PSMA1: variants seen among roughly 807,000 people sequenced by gnomAD.
PSMA1 encodes the protein proteasome 20S subunit alpha 1.
A neutral mutation model predicts 38.4 loss-of-function variants in PSMA1; 3 were observed. That is an observed-to-expected ratio of 0.08 (90% CI 0.04 to 0.20). The LOEUF is 0.20. Ranked by LOEUF, PSMA1 falls within the 10% of genes least tolerant of loss-of-function variation. The pLI, the probability that PSMA1 is intolerant of heterozygous loss-of-function variation, is 1.00. For synonymous variants in PSMA1, 101 were observed against 107.1 expected, an observed-to-expected ratio of 0.94 and a Z score of 0.35; for missense variants, 227 against 325.3, an observed-to-expected ratio of 0.70 and a Z score of 2.32.
chr11:14,552,555 C>T (rs1851897810), intron 2 of PSMA1, among the ~76,000 whole-genome samples: 1 of 152,120 alleles, frequency 6.6e-6, no homozygotes, highest in Non-Finnish European at 1.5e-5. Flanking sequence ...AAGGGCAAGA[C>T]AATTACTCTA....
intron 2 of PSMA1, among the ~76,000 whole-genome samples, chr11:14,594,558 C>G (rs555711602): frequency 3.3e-5 from 5 of 152,234 alleles, no homozygotes; most frequent in African/African-American, 1.2e-4. Flanking sequence ...ATGAGAATAT[C>G]TGATTTTCTG....
At chr11:14,630,450 T>G (rs1852987870) in intron 1 of PSMA1, among the ~76,000 whole-genome samples, 1 of 152,220 alleles carries the variant, frequency 6.6e-6, no homozygotes, top group Non-Finnish European at 1.5e-5. Flanking sequence ...TGGCTCTGTT[T>G]ATATGCTGGA....
intron 4 of PSMA1, among the ~76,000 whole-genome samples, chr11:14,517,166 T>A (rs1357511257): frequency 6.6e-6 from 1 of 152,236 alleles, no homozygotes; most frequent in Admixed American, 6.5e-5. Flanking sequence ...TTTGAGTTTA[T>A]AGATAAACTT....
At chr11:14,614,905 G>A (rs1404628723) in intron 1 of PSMA1, among the ~76,000 whole-genome samples, 1 of 152,076 alleles carries the variant, frequency 6.6e-6, no homozygotes, top group Non-Finnish European at 1.5e-5. Context: ...CTATGCTCAT[G>A]TCACTCTCTT....
chr11:14,559,380 A>G (rs1348372888), intron 2 of PSMA1, among the ~76,000 whole-genome samples: 4 of 152,236 alleles, frequency 2.6e-5, no homozygotes, highest in Non-Finnish European at 5.9e-5. Context: ...ACTGCTAGCC[A>G]GAGGAATTTT....
At position 14,613,320 on chromosome 11, in the gene PSMA1, C is replaced by G. The variant is rs1246179915; in HGVS notation, c.-165-2169G>C. ...AGGCTGGACTGCAGTGGCACCATCTCGGCTCACTGCAACCTCTGCCTCCCA... is the reference window on the plus strand; with the variant it reads ...AGGCTGGACTGCAGTGGCACCATCTGGGCTCACTGCAACCTCTGCCTCCCA... On this transcript the variant is annotated intron_variant, in intron 1 of 10. Transcript: ENST00000418988. 2.2e-5 allele frequency among the ~76,000 whole-genome samples: 3 copies of G among 135,670 alleles called. No homozygotes were observed. The South Asian group carries it at 8.1e-4, about 37-fold the overall frequency. 89.0% of individuals were successfully genotyped at this position (135,670 alleles called of 152,430 possible).
chr11:14,630,988 A>G (rs1415097123), intron 1 of PSMA1, among the ~76,000 whole-genome samples: 1 of 152,096 alleles, frequency 6.6e-6, no homozygotes, highest in Non-Finnish European at 1.5e-5. Flanking sequence ...GGTAGTTTGT[A>G]TTTCTGTAGG....
At chr11:14,548,776 A>T (rs1234315498) in intron 2 of PSMA1, among the ~76,000 whole-genome samples, 1 of 152,244 alleles carries the variant, frequency 6.6e-6, no homozygotes, top group Non-Finnish European at 1.5e-5. Context: ...CTTAAGCCAC[A>T]AATTAAAAAT....
At chr11:14,592,192 A>G (rs1852424550) in intron 2 of PSMA1, among the ~76,000 whole-genome samples, 1 of 152,024 alleles carries the variant, frequency 6.6e-6, no homozygotes, top group Non-Finnish European at 1.5e-5. Flanking sequence ...CCACCTTAAC[A>G]GCTGTAACAC....
intron 2 of PSMA1, among the ~76,000 whole-genome samples, chr11:14,598,676 TG>T (rs1852536093): frequency 6.7e-6 from 1 of 149,788 alleles, no homozygotes; most frequent in Non-Finnish European, 1.5e-5. Flanking sequence ...AGCACACTGA[TG>T]GGTCTTGACT....
chr11:14,561,475 C>T (rs970925994), intron 2 of PSMA1, among the ~76,000 whole-genome samples: 4 of 152,204 alleles, frequency 2.6e-5, no homozygotes, highest in Non-Finnish European at 4.4e-5. Context: ...CTTTTGCAGT[C>T]AGCTGGTTAC....
chr11:14,605,396 T>G lies in PSMA1; in HGVS notation c.21+5570A>C, dbSNP rs547336815. ...CTTTTTTGTCCATTAATTTTTTTAT[T>G]TTTTTGAGACAGAGTCTCACTCTGT... On this transcript the variant is annotated intron_variant, in intron 2 of 10. Transcript: ENST00000418988. 2.0e-4 allele frequency among the ~76,000 whole-genome samples: 31 copies of G among 152,232 alleles called. No individual in the cohort carries two copies. In the South Asian group the frequency reaches 6.2e-3, roughly 31 times the overall value.
At chr11:14,548,522 G>T (rs894106565) in intron 2 of PSMA1, among the ~76,000 whole-genome samples, 10 of 152,154 alleles carry the variant, frequency 6.6e-5, no homozygotes, top group African/African-American at 2.2e-4. Context: ...TGGTGTACAA[G>T]TATCAAGTGT....
chr11:14,513,843 C>T lies in PSMA1; in HGVS notation c.388G>A (p.Val130Ile). Residue 130 changes from valine (V) to isoleucine (I), a missense_variant, in exon 6 of 10, where the codon GTT (valine) becomes ATT (isoleucine). By Grantham distance (29) the Val-to-Ile change is conservative. Coordinates refer to ENST00000396394, the MANE Select transcript of PSMA1 (RefSeq NM_002786.4). ...TCATAACCAGCAATAAGGAGACCAA[C>T]ACCATATGGTCTCCGGCCATATCGT... ...TQRYGRRPYG[V>I]GLLIAGYDDM... 2 of 1,600,430 alleles carry T rather than the reference C, an allele frequency of 1.2e-6. No individual in the cohort carries two copies. Among genetic ancestry groups the T allele is most frequent in the East Asian group, 2.2e-5 (1 of 44,534 alleles).
intron 2 of PSMA1, among the ~76,000 whole-genome samples, chr11:14,556,390 A>G (rs928308215): frequency 2.6e-5 from 4 of 151,890 alleles, no homozygotes; most frequent in African/African-American, 9.7e-5. Flanking sequence ...CATTAATAAT[A>G]TTTCCTACGG....
At chr11:14,547,079 A>G (rs1851835566) in intron 2 of PSMA1, among the ~76,000 whole-genome samples, 1 of 152,260 alleles carries the variant, frequency 6.6e-6, no homozygotes, top group Non-Finnish European at 1.5e-5. Flanking sequence ...ATATGCATAC[A>G]CAAATACAGT....
intron 2 of PSMA1, among the ~76,000 whole-genome samples, chr11:14,585,045 G>C (rs1250483404): frequency 6.6e-6 from 1 of 152,212 alleles, no homozygotes; most frequent in Non-Finnish European, 1.5e-5. Context: ...TGTTACTGCA[G>C]ATTAGGCAGT....
upstream of PSMA1, chr11:14,520,425 G>A: frequency 6.2e-7 from 1 of 1,608,812 alleles, no homozygotes; most frequent in African/African-American, 1.3e-5. Flanking sequence ...GCAGGGTAGC[G>A]CAGTCTATTC....
intron 4 of PSMA1, among the ~76,000 whole-genome samples, chr11:14,515,053 A>G (rs1348407645): frequency 1.3e-5 from 2 of 152,254 alleles, no homozygotes; most frequent in Admixed American, 6.5e-5. Context: ...CAAGGTTAAC[A>G]TTGGGGAGAA....
Sources: gnomAD v4.1 joint callset for allele counts (sites outside exome capture counted in the v4.1 genomes callset) on GRCh38, gnomAD v4.1.1 for gene constraint, MANE v1.5 for transcripts, NCBI Gene and HGNC (gene_info 2026-07-23, HGNC 2026-07-21) for gene names.